Variants in CDKL4 observed in about 807,000 individuals in gnomAD.
CDKL4 encodes the protein cyclin-dependent kinase-like 4.
Under a neutral mutation model 42.0 loss-of-function variants are expected in CDKL4, and 44 were observed. The observed-to-expected ratio is 1.05, with a 90% CI of 0.82 to 1.35. The LOEUF is 1.35. CDKL4 is among the 40% of genes most tolerant of loss of function. The probability of loss-of-function intolerance (pLI) is 0.00; values close to 1 mark genes in which losing one functional copy is unlikely to be tolerated. For synonymous variants in CDKL4, 120 were observed against 121.6 expected, an observed-to-expected ratio of 0.99 and a Z score of 0.09; for missense variants, 393 against 369.9, an observed-to-expected ratio of 1.06 and a Z score of -0.51.
At chr2:39,199,023 A>T (rs1009612081) in intron 5 of CDKL4, among the ~76,000 whole-genome samples, 1 of 152,038 alleles carries the variant, frequency 6.6e-6, no homozygotes, top group African/African-American at 2.4e-5. Flanking sequence ...AACAAAAAAA[A>T]CCCACAAAAG....
chr2:39,244,879 A>G (rs986280844), upstream of CDKL4, among the ~76,000 whole-genome samples: 2 of 152,190 alleles, frequency 1.3e-5, no homozygotes, highest in Non-Finnish European at 2.9e-5. Flanking sequence ...TGAATGCACC[A>G]GTCGACACTC....
chr2:39,223,049 C>T (rs547954935), intron 3 of CDKL4, among the ~76,000 whole-genome samples: 1 of 152,164 alleles, frequency 6.6e-6, no homozygotes, highest in Non-Finnish European at 1.5e-5. Context: ...TTATACTTAA[C>T]ATTCTAGTAT....
intron 5 of CDKL4, among the ~76,000 whole-genome samples, chr2:39,190,786 A>T (rs1676138569): frequency 6.6e-6 from 1 of 152,178 alleles, no homozygotes; most frequent in South Asian, 2.1e-4. Flanking sequence ...TGTGACTTTA[A>T]GTCTAAACCG....
chr2:39,204,600 T>C, exon 5 of CDKL4: 1 of 1,566,564 alleles, frequency 6.4e-7, no homozygotes, highest in Non-Finnish European at 8.8e-7. Flanking sequence ...TTTCAGGTTT[T>C]ATATCTCTGT....
exon 2 of CDKL4, chr2:39,229,509 A>C: frequency 1.9e-6 from 3 of 1,605,574 alleles, no homozygotes; most frequent in Non-Finnish European, 2.5e-6. Flanking sequence ...CTCCAGTCTT[A>C]GCTAATTTTT....
At chr2:39,211,975 A>T (rs1198463532) in intron 4 of CDKL4, among the ~76,000 whole-genome samples, 3 of 152,224 alleles carry the variant, frequency 2.0e-5, no homozygotes, top group Non-Finnish European at 4.4e-5. Context: ...ATTTACAGGA[A>T]ATACAAGTGA....
intron 7 of CDKL4, among the ~76,000 whole-genome samples, chr2:39,186,262 G>A (rs1431568378): frequency 1.3e-5 from 2 of 152,166 alleles, no homozygotes; most frequent in Non-Finnish European, 2.9e-5. Flanking sequence ...GATATTATAT[G>A]AAATAATTGA....
At chr2:39,226,448 T>TATATATATTATATATATA (rs1678733902) in intron 2 of CDKL4, among the ~76,000 whole-genome samples, 1 of 85,380 alleles carries the variant, frequency 1.2e-5, no homozygotes, top group Non-Finnish European at 3.4e-5. Flanking sequence ...ATATATATTA[T>TATATATATTATATATATA]ATATATATTA....
chr2:39,185,538 C>G (rs1366247069), intron 7 of CDKL4, among the ~76,000 whole-genome samples: 2 of 149,082 alleles, frequency 1.3e-5, no homozygotes, highest in Non-Finnish European at 3.0e-5. Context: ...ACAAGGCTCA[C>G]AGCAAGCTCC....
intron 1 of CDKL4, among the ~76,000 whole-genome samples, chr2:39,240,887 C>T (rs1229637543): frequency 6.6e-6 from 1 of 152,158 alleles, no homozygotes; most frequent in Non-Finnish European, 1.5e-5. Flanking sequence ...TAACAATAGA[C>T]ATGGCCAAAC....
At chr2:39,182,254 G>A (rs1675481567) in intron 8 of CDKL4, among the ~76,000 whole-genome samples, 2 of 152,178 alleles carry the variant, frequency 1.3e-5, no homozygotes, top group Non-Finnish European at 1.5e-5. Flanking sequence ...GACTCCTAAA[G>A]TGCTAAGATT....
intron 2 of CDKL4, 29 bp downstream of exon 2, chr2:39,229,336 T>C: frequency 7.0e-7 from 1 of 1,431,854 alleles, no homozygotes; most frequent in Non-Finnish European, 9.5e-7. Context: ...AATTCCATGA[T>C]ATTTTACATA....
At chr2:39,244,081 C>G (rs916609235), upstream of CDKL4, among the ~76,000 whole-genome samples, 2 of 152,250 alleles carry the variant, frequency 1.3e-5, no homozygotes, top group Non-Finnish European at 2.9e-5. Flanking sequence ...GCAGCCCCAG[C>G]CCTGATCCTT....
upstream of CDKL4, among the ~76,000 whole-genome samples, chr2:39,245,010 C>T (rs1262482285): frequency 6.6e-6 from 1 of 152,168 alleles, no homozygotes; most frequent in Non-Finnish European, 1.5e-5. Flanking sequence ...ACACACCAGT[C>T]AGCACCCTGT....
rs189764642 is a variant in CDKL4 at position 39,198,034 on chromosome 2, T to C, written c.454+6493A>G. On this transcript the variant is annotated intron_variant, in intron 5 of 9. Transcript: ENST00000451199. ...TGGCTTAAATGGTCCACTTAAAAGATACAGAATGGCAGAGTAGATAAAAAT... is the reference window on the plus strand; with the variant it reads ...TGGCTTAAATGGTCCACTTAAAAGACACAGAATGGCAGAGTAGATAAAAAT... 6.3e-4 allele frequency among the ~76,000 whole-genome samples: 96 copies of C among 152,176 alleles called. No homozygotes were observed. The East Asian group carries it at 0.017, about 26-fold the overall frequency.
chr2:39,194,880 G>A (rs78252217), intron 5 of CDKL4, among the ~76,000 whole-genome samples: 2,311 of 151,996 alleles, frequency 0.015, 66 homozygotes, highest in African/African-American at 0.053. Context: ...AAGTACATTC[G>A]GTGTTGCACA....
At chr2:39,196,211 A>G (rs1322351596) in intron 5 of CDKL4, among the ~76,000 whole-genome samples, 1 of 152,178 alleles carries the variant, frequency 6.6e-6, no homozygotes, top group East Asian at 1.9e-4. Flanking sequence ...AAGTCAACCA[A>G]CATAAAACCA....
At position 39,239,296 on chromosome 2, in the gene CDKL4, T is replaced by C. The variant is rs985333723; in HGVS notation, c.-57+4575A>G. On this transcript the variant is annotated intron_variant, in intron 1 of 9. Coordinates refer to ENST00000451199, the Ensembl canonical transcript of CDKL4. ...GAAAAATCTTTGTGACTTTCAGTTA[T>C]GCAGATTTCTTAGATATGACACCAT... Among the ~76,000 whole-genome samples, 11 of 151,060 alleles carry C rather than the reference T, an allele frequency of 7.3e-5. No homozygotes were observed. The East Asian group carries it at 9.6e-4, about 13-fold the overall frequency.
At chr2:39,208,198 A>G (rs762224043) in intron 4 of CDKL4, among the ~76,000 whole-genome samples, 2 of 151,978 alleles carry the variant, frequency 1.3e-5, no homozygotes, top group Non-Finnish European at 2.9e-5. Context: ...GCTTAGACAT[A>G]CAGCATTCAC....
Sources: allele counts gnomAD v4.1 joint callset (sites outside exome capture counted in the v4.1 genomes callset), GRCh38; gene constraint gnomAD v4.1.1; transcripts MANE v1.5; gene names NCBI Gene and HGNC (gene_info 2026-07-23, HGNC 2026-07-21).